Variants in ADCY9 observed in about 807,000 individuals in gnomAD.
The protein encoded by ADCY9 is adenylate cyclase 9.
Under a neutral mutation model 101.5 loss-of-function variants are expected in ADCY9, and 50 were observed. That is an observed-to-expected ratio of 0.49 (90% CI 0.39 to 0.62). The LOEUF is 0.62. Ranked by LOEUF, ADCY9 falls within the 20% of genes least tolerant of loss-of-function variation. The pLI, the probability that ADCY9 is intolerant of heterozygous loss-of-function variation, is 0.00. For synonymous variants in ADCY9, 905 were observed against 769.3 expected, an observed-to-expected ratio of 1.18 and a Z score of -2.92; for missense variants, 1,662 against 1,800.4, an observed-to-expected ratio of 0.92 and a Z score of 1.39.
intron 2 of ADCY9, among the ~76,000 whole-genome samples, chr16:4,056,666 C>T (rs540125284): frequency 2.0e-5 from 3 of 152,336 alleles, no homozygotes; most frequent in East Asian, 1.9e-4. Context: ...GAAAGCAGTG[C>T]GTGATCCGAA....
At chr16:3,974,158 C>T (rs1007089245) in intron 10 of ADCY9, among the ~76,000 whole-genome samples, 1 of 152,186 alleles carries the variant, frequency 6.6e-6, no homozygotes, top group African/African-American at 2.4e-5. Context: ...TCTCCCGCCT[C>T]AGCCTCCTGA....
intron 2 of ADCY9, among the ~76,000 whole-genome samples, chr16:4,085,017 T>C (rs1597215891): frequency 6.6e-6 from 1 of 152,112 alleles, no homozygotes; most frequent in South Asian, 2.1e-4. Flanking sequence ...GCCTTAGGTA[T>C]AAACAGTGCT....
chr16:3,969,636 A>T (rs1258185431), intron 10 of ADCY9, among the ~76,000 whole-genome samples: 1 of 102,590 alleles, frequency 9.7e-6, no homozygotes, highest in African/African-American at 3.4e-5. Context: ...TTAAGAAGAG[A>T]CAGGGTCTGT....
At chr16:3,961,892 G>A (rs953033530), downstream of ADCY9, among the ~76,000 whole-genome samples, 18 of 152,194 alleles carry the variant, frequency 1.2e-4, no homozygotes, top group African/African-American at 3.6e-4. Context: ...CGGGTGTGGT[G>A]GTATATGCCT....
At chr16:3,984,882 G>C (rs564592775) in intron 6 of ADCY9, among the ~76,000 whole-genome samples, 5 of 152,316 alleles carry the variant, frequency 3.3e-5, no homozygotes, top group South Asian at 4.1e-4. Context: ...GGACAAACCA[G>C]CTCCGGGTGC....
Position 3,973,509 on chromosome 16 carries a change from T to G in ADCY9, c.2870+1160A>C, listed in dbSNP as rs938865511. Reference sequence around the variant, plus strand: ...GGCATGAGCCAACGTGCCTGGCCTTTTTTTTCTGAGACAGAGTCTTGCTGT... The same window carrying G: ...GGCATGAGCCAACGTGCCTGGCCTTGTTTTTCTGAGACAGAGTCTTGCTGT... On this transcript the variant is annotated intron_variant, in intron 10 of 10. Transcript: ENST00000294016. Among the ~76,000 whole-genome samples the G allele has an allele frequency of 3.3e-5, 5 of 152,036 alleles. No homozygotes were observed. The Middle Eastern group carries it at 0.014, about 414-fold the overall frequency.
At chr16:4,099,729 T>C (rs1454207978) in intron 2 of ADCY9, among the ~76,000 whole-genome samples, 1 of 152,218 alleles carries the variant, frequency 6.6e-6, no homozygotes, top group Non-Finnish European at 1.5e-5. Context: ...ATATTGATTC[T>C]TGAAAAAAAT....
At chr16:4,113,165 CTTT>C (rs148980633) in intron 2 of ADCY9, among the ~76,000 whole-genome samples, 26 of 146,694 alleles carry the variant, frequency 1.8e-4, no homozygotes, top group Middle Eastern at 6.9e-3. Context: ...AAAATGCAAA[CTTT>C]TTTTAAAAAA....
chr16:4,036,873 C>T (rs112820556), intron 2 of ADCY9, among the ~76,000 whole-genome samples: 4,775 of 152,036 alleles, frequency 0.031, 257 homozygotes, highest in African/African-American at 0.11. Context: ...ACCCTTTAAC[C>T]GACTTCTCTT....
At chr16:4,057,751 G>A (rs1470638872) in intron 2 of ADCY9, among the ~76,000 whole-genome samples, 9 of 152,160 alleles carry the variant, frequency 5.9e-5, no homozygotes, top group Admixed American at 5.9e-4. Context: ...GGCCCGGGGA[G>A]CATTTACGGC....
intron 5 of ADCY9, among the ~76,000 whole-genome samples, chr16:3,990,294 C>A (rs368110535): frequency 6.6e-6 from 1 of 152,018 alleles, no homozygotes; most frequent in East Asian, 1.9e-4. Flanking sequence ...GGTGAACCCC[C>A]GTTTCTACAA....
At chr16:4,025,518 G>A (rs2056508800) in intron 2 of ADCY9, among the ~76,000 whole-genome samples, 1 of 152,248 alleles carries the variant, frequency 6.6e-6, no homozygotes, top group African/African-American at 2.4e-5. Flanking sequence ...GGGCGGCGAA[G>A]AGCACAGGCC....
intron 7 of ADCY9, among the ~76,000 whole-genome samples, chr16:3,980,766 T>C (rs945671744): frequency 4.6e-5 from 7 of 152,150 alleles, no homozygotes; most frequent in African/African-American, 1.4e-4. Flanking sequence ...ACCACAAATA[T>C]GCAGAATACA....
At chr16:4,055,506 C>G (rs2056731686) in intron 2 of ADCY9, among the ~76,000 whole-genome samples, 1 of 151,392 alleles carries the variant, frequency 6.6e-6, no homozygotes, top group Non-Finnish European at 1.5e-5. Flanking sequence ...TGTACTCCAG[C>G]CTGGGCAGCA....
Position 3,967,558 on chromosome 16 carries a change from T to TA in ADCY9, c.2871-593dup, listed in dbSNP as rs199639768. 5.1e-3 allele frequency among the ~76,000 whole-genome samples: 767 copies of TA among 151,624 alleles called. 3 individuals carry two copies. The highest frequency in any genetic ancestry group is 0.017 in the African/African-American group (702 of 41,334). On this transcript the variant is annotated intron_variant, in intron 10 of 10. Transcript: ENST00000294016. ...GCATGTACCACCACACCTAGCTAAT[T>TA]AAAAAATTTTTTTTTTGAAGAGACA...
At chr16:3,982,938 C>T in intron 7 of ADCY9, 1 of 459,750 alleles carries the variant, frequency 2.2e-6, no homozygotes, top group Non-Finnish European at 3.9e-6. Context: ...TTCCTATCTT[C>T]TCACCTTCTC....
At chr16:3,984,606 G>T (rs2056174838) in intron 6 of ADCY9, among the ~76,000 whole-genome samples, 1 of 152,228 alleles carries the variant, frequency 6.6e-6, no homozygotes, top group Non-Finnish European at 1.5e-5. Context: ...AGCCAGGCCA[G>T]GACTTGGCAT....
chr16:4,040,914 G>A (rs1365143512), intron 2 of ADCY9, among the ~76,000 whole-genome samples: 1 of 152,098 alleles, frequency 6.6e-6, no homozygotes, highest in Non-Finnish European at 1.5e-5. Flanking sequence ...AACGAGACAG[G>A]TGAAACAATT....
chr16:3,993,616 G>A (rs935896125), intron 3 of ADCY9, 106 bp from the exon 4 acceptor site: 4 of 1,415,484 alleles, frequency 2.8e-6, no homozygotes, highest in Non-Finnish European at 3.9e-6. Context: ...GCATGGTGGT[G>A]AGCAAGGGGA....
Sources: gnomAD v4.1 joint callset for allele counts (sites outside exome capture counted in the v4.1 genomes callset) on GRCh38, gnomAD v4.1.1 for gene constraint, MANE v1.5 for transcripts, NCBI Gene and HGNC (gene_info 2026-07-23, HGNC 2026-07-21) for gene names.